MAP3K21: variants seen among roughly 807,000 people sequenced by gnomAD.
The protein encoded by MAP3K21 is mitogen-activated protein kinase kinase kinase 21, also known as mitogen-activated protein kinase kinase kinase MLK4.
A neutral mutation model predicts 86.1 loss-of-function variants in MAP3K21; 63 were observed. The ratio of observed to expected loss-of-function variants is 0.73; its 90% confidence interval spans 0.60 to 0.90. The LOEUF is 0.90. MAP3K21 is among the 40% of genes least tolerant of loss of function. The probability of loss-of-function intolerance (pLI) is 0.00; values close to 1 mark genes in which losing one functional copy is unlikely to be tolerated. For synonymous variants in MAP3K21, 558 were observed against 564.8 expected, an observed-to-expected ratio of 0.99 and a Z score of 0.17; for missense variants, 1,220 against 1,367.7, an observed-to-expected ratio of 0.89 and a Z score of 1.70.
Position 233,365,426 on chromosome 1 carries a change from T to C in MAP3K21, c.1552+3133T>C, listed in dbSNP as rs1663555324. Among the ~76,000 whole-genome samples the C allele has an allele frequency of 2.0e-5, 3 of 152,082 alleles. No homozygotes were observed. The South Asian group carries it at 6.2e-4, about 31-fold the overall frequency. On this transcript the variant is annotated intron_variant, in intron 5 of 9. Transcript: ENST00000366624. ...TATACACAGAACTCGAATAACTCAATGGCAAAAACACAAATAATTTGATTT... is the reference window on the plus strand; with the variant it reads ...TATACACAGAACTCGAATAACTCAACGGCAAAAACACAAATAATTTGATTT...
intron 5 of MAP3K21, among the ~76,000 whole-genome samples, chr1:233,370,807 A>G (rs1353091504): frequency 2.0e-5 from 3 of 152,212 alleles, no homozygotes; most frequent in Non-Finnish European, 2.9e-5. Context: ...TTGATGTCTA[A>G]TATGGCAATG....
chr1:233,355,085 T>C (rs537258821), intron 4 of MAP3K21, 74 bp downstream of exon 4: 12 of 1,075,576 alleles, frequency 1.1e-5, no homozygotes, highest in Non-Finnish European at 1.6e-5. Context: ...CAAGAAGCAC[T>C]GTTAGCATTA....
At position 233,372,388 on chromosome 1, in the gene MAP3K21, A is replaced by G. The variant is rs1301486558; in HGVS notation, c.1675+228A>G. 1.1e-5 allele frequency: 5 copies of G among 460,142 alleles called. No individual in the cohort carries two copies. The East Asian group carries it at 1.6e-4, about 15-fold the overall frequency. 28.5% of individuals were successfully genotyped at this position (460,142 alleles called of 1,614,324 possible). On this transcript the variant is annotated intron_variant, in intron 6 of 9. Transcript: ENST00000366624. Reference sequence around the variant, plus strand: ...TAGATGCTATGCAGTTGGTGATGCGACCTGGCCCCGGAGTAGAAAGTGAAA... The same window carrying G: ...TAGATGCTATGCAGTTGGTGATGCGGCCTGGCCCCGGAGTAGAAAGTGAAA...
chr1:233,329,626 C>A (rs190203286), intron 1 of MAP3K21, among the ~76,000 whole-genome samples: 90 of 151,938 alleles, frequency 5.9e-4, no homozygotes, highest in African/African-American at 2.1e-3. Flanking sequence ...TGCACTCCAG[C>A]CTAGGAGATA....
intron 5 of MAP3K21, among the ~76,000 whole-genome samples, chr1:233,368,863 GT>G (rs1663630289): frequency 6.6e-6 from 1 of 152,088 alleles, no homozygotes; most frequent in African/African-American, 2.4e-5. Flanking sequence ...AGTACTAGGG[GT>G]GATTATAAAA....
At chr1:233,349,320 A>G (rs1308677802) in intron 2 of MAP3K21, among the ~76,000 whole-genome samples, 1 of 152,246 alleles carries the variant, frequency 6.6e-6, no homozygotes, top group East Asian at 1.9e-4. Context: ...TTATACTTCA[A>G]GACTCTAAAA....
intron 1 of MAP3K21, among the ~76,000 whole-genome samples, chr1:233,339,258 C>CCTG (rs1393807094): frequency 0.011 from 505 of 47,258 alleles, 11 homozygotes; most frequent in Non-Finnish European, 0.015. Flanking sequence ...TCTTCTTCTT[C>CCTG]TTCTTCTTCC....
intron 6 of MAP3K21, among the ~76,000 whole-genome samples, chr1:233,375,087 G>C (rs910090783): frequency 6.6e-6 from 1 of 151,624 alleles, no homozygotes; most frequent in Non-Finnish European, 1.5e-5. Flanking sequence ...GATTACAGGC[G>C]CCCGCCACCA....
rs117129876 is a variant in MAP3K21 at position 233,353,462 on chromosome 1, A to G, written c.987-345A>G. 6.0e-3 allele frequency among the ~76,000 whole-genome samples: 917 copies of G among 152,296 alleles called. 20 individuals are homozygous for G. In the East Asian group the frequency reaches 0.062, roughly 10 times the overall value. ...TTAAGTGTGGGAAAAATGAGATAGA[A>G]AGAGAAACAGAAAACAGCCACATTA... On this transcript the variant is annotated intron_variant, in intron 2 of 9. Transcript: ENST00000366624.
chr1:233,358,111 C>T (rs1469558036), intron 4 of MAP3K21, among the ~76,000 whole-genome samples: 4 of 150,936 alleles, frequency 2.7e-5, no homozygotes, highest in Admixed American at 6.6e-5. Context: ...GGTTTTGAGG[C>T]CTCTGACTCT....
chr1:233,379,187 C>T lies in MAP3K21; in HGVS notation c.2181C>T (p.Thr727=), dbSNP rs201566282. The T allele has an allele frequency of 1.4e-5, 22 of 1,614,188 alleles. No individual in the cohort carries two copies. The highest frequency in any genetic ancestry group is 2.2e-5 in the East Asian group (1 of 44,878). ...CGGAGTCAGCTCTGTATGGGTGCAC[C>T]GTCCTTCTGGCATCGGTGGCTCTGG... ...KKTESALYGC[T]VLLASVALGL... Residue 727 remains threonine, a synonymous_variant, in exon 9 of 10, where the codon ACC becomes ACT. Transcript: ENST00000366624.
intron 6 of MAP3K21, chr1:233,372,560 G>A (rs1353016204): frequency 1.9e-5 from 4 of 206,826 alleles, no homozygotes; most frequent in Admixed American, 5.9e-5. Flanking sequence ...TTCGTGAGGG[G>A]AAAAAATTTT....
chr1:233,354,266 TCTG>T (rs746096120), intron 3 of MAP3K21, among the ~76,000 whole-genome samples: 4 of 152,224 alleles, frequency 2.6e-5, no homozygotes, highest in Non-Finnish European at 5.9e-5. Flanking sequence ...TGGCTCCAAA[TCTG>T]CTATTTTAAA....
intron 6 of MAP3K21, chr1:233,372,954 G>T (rs1478282247): frequency 2.0e-5 from 3 of 148,114 alleles, no homozygotes; most frequent in African/African-American, 7.4e-5. Context: ...CTTATTTGGA[G>T]AAAAAAAAAA....
At chr1:233,336,608 TTA>T (rs2102758747) in intron 1 of MAP3K21, among the ~76,000 whole-genome samples, 1 of 152,204 alleles carries the variant, frequency 6.6e-6, no homozygotes, top group East Asian at 1.9e-4. Context: ...CTTACAAAAA[TTA>T]TTTCACTTAT....
In MAP3K21 at chr1:233,379,526, C is replaced by T. The variant is rs1663871833; in HGVS notation, c.2520C>T (p.Pro840=). Reference sequence around the variant, plus strand: ...AGATGCTCACTCCGGATTTTTGTCCCACTGCCCCAGGAAGTGGTCGTGAGC... The same window carrying T: ...AGATGCTCACTCCGGATTTTTGTCCTACTGCCCCAGGAAGTGGTCGTGAGC... ...DSEMLTPDFC[P]TAPGSGREPA... Residue 840 remains proline, a synonymous_variant, in exon 9 of 10, where the codon CCC becomes CCT. Transcript: ENST00000366624. 1 of 1,614,216 alleles carries T rather than the reference C, an allele frequency of 6.2e-7. No individual in the cohort carries two copies. The highest frequency in any genetic ancestry group is 8.5e-7 in the Non-Finnish European group (1 of 1,180,050).
intron 2 of MAP3K21, among the ~76,000 whole-genome samples, chr1:233,346,906 C>T (rs547061307): frequency 1.3e-5 from 2 of 152,098 alleles, no homozygotes; most frequent in East Asian, 1.9e-4. Flanking sequence ...TTGTAGGATG[C>T]GCCAGTAAAT....
Position 233,382,800 on chromosome 1 carries a change from G to A in MAP3K21, c.*89G>A. 9.2e-6 allele frequency: 11 copies of A among 1,191,520 alleles called. No homozygotes were observed. The highest frequency in any genetic ancestry group is 1.3e-5 in the Non-Finnish European group (11 of 850,466). The allele number at this position is 1,191,520 out of a possible 1,614,324, so 73.8% of individuals were successfully genotyped here. On this transcript the variant is annotated 3_prime_UTR_variant, in exon 10 of 10. Transcript: ENST00000366624. ...CCTTTGAACTGTTTCATGCTGCTGT[G>A]TTTTCAAAAGCTGTGGCCATGTTCC...
At chr1:233,375,000 G>A (rs900303406) in intron 6 of MAP3K21, among the ~76,000 whole-genome samples, 1 of 151,566 alleles carries the variant, frequency 6.6e-6, no homozygotes, top group South Asian at 2.1e-4. Flanking sequence ...GGAGTGTAGT[G>A]GCGCGATCTC....
Sources: allele counts gnomAD v4.1 joint callset (sites outside exome capture counted in the v4.1 genomes callset), GRCh38; gene constraint gnomAD v4.1.1; transcripts MANE v1.5; gene names NCBI Gene and HGNC (gene_info 2026-07-23, HGNC 2026-07-21).